GLRX3: variants seen among roughly 807,000 people sequenced by gnomAD.
The protein encoded by GLRX3 is glutaredoxin 3, also known as glutaredoxin-3.
GLRX3 carries 22 observed loss-of-function variants against 49.5 expected under a neutral mutation model. The ratio of observed to expected loss-of-function variants is 0.44; its 90% CI spans 0.32 to 0.63. The LOEUF (loss-of-function observed/expected upper bound fraction) is 0.63, where lower values mean the gene tolerates loss of function less well. Ranked by LOEUF, GLRX3 falls within the 30% of genes least tolerant of loss-of-function variation. GLRX3 has a pLI of 0.05. For missense variants in GLRX3, 385 were observed against 396.3 expected (o/e 0.97, Z 0.24); for synonymous variants, 133 against 140.0 (o/e 0.95, Z 0.35).
intron 1 of GLRX3, among the ~76,000 whole-genome samples, chr10:130,144,313 T>C (rs1862229738): frequency 1.3e-5 from 2 of 151,284 alleles, no homozygotes; most frequent in Non-Finnish European, 2.9e-5. Flanking sequence ...TCGTTTACTT[T>C]AAGTTCTGGG....
chr10:130,159,748 T>G (rs1862539041), intron 2 of GLRX3: 1 of 1,217,820 alleles, frequency 8.2e-7, no homozygotes, highest in East Asian at 3.4e-5. Context: ...ATTCACAGCC[T>G]CCAGGCATCT....
At chr10:130,171,396 G>T (rs1288215080) in intron 7 of GLRX3, among the ~76,000 whole-genome samples, 188 bp from the exon 8 acceptor site, 2 of 152,238 alleles carry the variant, frequency 1.3e-5, no homozygotes, top group South Asian at 4.2e-4. Context: ...TGTGGGTCAC[G>T]TGTGCCTGGG....
chr10:130,145,615 T>G (rs1054451627), intron 2 of GLRX3, among the ~76,000 whole-genome samples: 2 of 151,964 alleles, frequency 1.3e-5, no homozygotes, highest in Admixed American at 1.3e-4. Context: ...TGAGCCGAGA[T>G]TGTGCCACTG....
chr10:130,166,440 T>G (rs1590070092), intron 4 of GLRX3, 67 bp from the exon 5 acceptor site: 1 of 1,106,166 alleles, frequency 9.0e-7, no homozygotes. Context: ...GCTGAACTAA[T>G]GTATTATCAT....
chr10:130,157,564 C>A (rs150456819), intron 2 of GLRX3, among the ~76,000 whole-genome samples: 2 of 128,752 alleles, frequency 1.6e-5, no homozygotes, highest in African/African-American at 5.9e-5. Flanking sequence ...TCTACTGATT[C>A]AAATGCCAGT....
intron 10 of GLRX3, among the ~76,000 whole-genome samples, chr10:130,177,396 G>A (rs1465950313): frequency 1.3e-5 from 2 of 152,182 alleles, no homozygotes; most frequent in African/African-American, 4.8e-5. Flanking sequence ...CTGCCGGCTC[G>A]CATTAACAGC....
intron 10 of GLRX3, 50 bp downstream of exon 10, chr10:130,175,139 G>A (rs778669648): frequency 9.6e-7 from 1 of 1,040,640 alleles, no homozygotes; most frequent in South Asian, 1.3e-5. Context: ...ATTTTGGTAT[G>A]TTTAAAAATG....
intron 1 of GLRX3, among the ~76,000 whole-genome samples, chr10:130,144,305 GTTTACT>G (rs1862229347): frequency 1.0e-5 from 1 of 97,862 alleles, no homozygotes. Flanking sequence ...TTTTTTTTTC[GTTTACT>G]TTAAGTTCTG....
chr10:130,165,410 C>CA (rs1480223432), intron 4 of GLRX3, among the ~76,000 whole-genome samples: 1 of 151,278 alleles, frequency 6.6e-6, no homozygotes, highest in Admixed American at 6.6e-5. Flanking sequence ...AAGATGATGT[C>CA]AAAAAAGTAC....
At position 130,142,918 on chromosome 10, in the gene GLRX3, C is replaced by T. The variant is rs919649443; in HGVS notation, c.93-2293C>T. Among the ~76,000 whole-genome samples the T allele has an allele frequency of 2.6e-4, 39 of 152,220 alleles. 1 individual carries two copies. Among genetic ancestry groups the T allele is most frequent in the Non-Finnish European group, 4.0e-4 (27 of 68,042 alleles). ...GATAAGCCCCCTGAGGCGCTGACCT[C>T]GGGTCTCCTCTGTGTCCCTCTGTAA... On this transcript the variant is annotated intron_variant, in intron 1 of 10. Transcript: ENST00000331244.
chr10:130,165,709 T>G (rs1208391449), intron 4 of GLRX3, among the ~76,000 whole-genome samples: 1 of 152,340 alleles, frequency 6.6e-6, no homozygotes, highest in East Asian at 1.9e-4. Flanking sequence ...TAGTGAAGAT[T>G]GAGAACTACT....
At chr10:130,140,291 G>A (rs1862149247) in intron 1 of GLRX3, among the ~76,000 whole-genome samples, 1 of 152,324 alleles carries the variant, frequency 6.6e-6, no homozygotes, top group African/African-American at 2.4e-5. Context: ...TTTGAATGTG[G>A]TTTTTGTCTG....
chr10:130,172,961 G>A lies in GLRX3; in HGVS notation c.824+1325G>A, dbSNP rs141428057. ...GTCTCAAAAAAAAGATGTGGTTGTCGTCTTTAGATTACTATGACATTTTAT... is the reference window on the plus strand; with the variant it reads ...GTCTCAAAAAAAAGATGTGGTTGTCATCTTTAGATTACTATGACATTTTAT... On this transcript the variant is annotated intron_variant, in intron 8 of 10. Coordinates refer to ENST00000331244, the MANE Select transcript of GLRX3 (RefSeq NM_006541.5). 5.3e-3 allele frequency among the ~76,000 whole-genome samples: 812 copies of A among 152,228 alleles called. 2 individuals carry two copies. The highest frequency in any genetic ancestry group is 0.018 in the African/African-American group (765 of 41,536).
chr10:130,167,690 G>A, intron 6 of GLRX3, among the ~76,000 whole-genome samples: 1 of 152,014 alleles, frequency 6.6e-6, no homozygotes. Context: ...ACCTTCCTTT[G>A]GTAATTTTTT....
rs546678174 is a variant in GLRX3, at chr10:130,151,221, C to T, written c.201+5902C>T. On this transcript the variant is annotated intron_variant, in intron 2 of 10. Transcript: ENST00000331244. ...GATTACAGGCATGAGCCATCGTGCC[C>T]GGCTCTGGTAGAATTGTTAAATCTT... Among the ~76,000 whole-genome samples the T allele has an allele frequency of 1.7e-3, 262 of 152,028 alleles. 2 individuals carry two copies. Among genetic ancestry groups the T allele is most frequent in the African/African-American group, 5.5e-3 (230 of 41,464 alleles).
chr10:130,173,771 T>C (rs917794405), intron 8 of GLRX3, among the ~76,000 whole-genome samples: 1 of 152,176 alleles, frequency 6.6e-6, no homozygotes, highest in Non-Finnish European at 1.5e-5. Flanking sequence ...ATTGGGGTCT[T>C]TTTTTGTTCT....
At chr10:130,149,754 A>G (rs1590060635) in intron 2 of GLRX3, among the ~76,000 whole-genome samples, 1 of 148,526 alleles carries the variant, frequency 6.7e-6, no homozygotes, top group Non-Finnish European at 1.5e-5. Context: ...TTTGTATGAA[A>G]TCGTAGCTAT....
chr10:130,168,197 C>T (rs558053561), intron 6 of GLRX3, among the ~76,000 whole-genome samples: 70 of 152,252 alleles, frequency 4.6e-4, no homozygotes, highest in African/African-American at 1.6e-3. Context: ...TAAAGGGCTC[C>T]GAGTGAGCAG....
At chr10:130,167,702 T>C (rs1198717932) in intron 6 of GLRX3, among the ~76,000 whole-genome samples, 1 of 152,230 alleles carries the variant, frequency 6.6e-6, no homozygotes, top group Non-Finnish European at 1.5e-5. Flanking sequence ...TAATTTTTTT[T>C]TGCCATGTAA....
Sources: gnomAD v4.1 joint callset for allele counts (sites outside exome capture counted in the v4.1 genomes callset) on GRCh38, gnomAD v4.1.1 for gene constraint, MANE v1.5 for transcripts, NCBI Gene and HGNC (gene_info 2026-07-23, HGNC 2026-07-21) for gene names.